ZC3H4: variants seen among roughly 807,000 people sequenced by gnomAD.
ZC3H4 encodes zinc finger CCCH domain-containing protein 4.
Under a neutral mutation model 108.3 loss-of-function variants are expected in ZC3H4, and 13 were observed. The observed-to-expected ratio is 0.12, with a 90% CI of 0.08 to 0.19. The LOEUF (loss-of-function observed/expected upper bound fraction) is 0.19, where lower values mean the gene tolerates loss of function less well. Among genes scored for constraint, ZC3H4 ranks in the 10% least tolerant of loss-of-function variants. The probability of loss-of-function intolerance (pLI) is 1.00; values close to 1 mark genes in which losing one functional copy is unlikely to be tolerated. For synonymous variants in ZC3H4, 917 were observed against 749.6 expected (o/e 1.22, Z -3.65); for missense variants, 1,734 against 1,838.8 (o/e 0.94, Z 1.04).
intron 2 of ZC3H4, among the ~76,000 whole-genome samples, chr19:47,104,443 C>T (rs2057943379): frequency 6.6e-6 from 1 of 152,172 alleles, no homozygotes; most frequent in Non-Finnish European, 1.5e-5. Flanking sequence ...TTTCCAAGGG[C>T]CCAGCACAGG....
At chr19:47,098,326 C>A (rs932927122) in intron 2 of ZC3H4, among the ~76,000 whole-genome samples, 1 of 152,000 alleles carries the variant, frequency 6.6e-6, no homozygotes, top group African/African-American at 2.4e-5. Flanking sequence ...CTTGTCTCTA[C>A]CAGTAATACA....
At chr19:47,074,756 G>A (rs180977274) in intron 11 of ZC3H4, among the ~76,000 whole-genome samples, 9 of 152,334 alleles carry the variant, frequency 5.9e-5, no homozygotes, top group Non-Finnish European at 8.8e-5. Context: ...AAGTCTCCTC[G>A]CAGACAGCAT....
chr19:47,078,852 C>G (rs1171377120), intron 11 of ZC3H4, among the ~76,000 whole-genome samples: 1 of 151,922 alleles, frequency 6.6e-6, no homozygotes, highest in Admixed American at 6.6e-5. Flanking sequence ...GAGTGAAACT[C>G]CGTCTCAAAA....
intron 2 of ZC3H4, among the ~76,000 whole-genome samples, chr19:47,103,782 A>AC: frequency 6.6e-6 from 1 of 150,398 alleles, no homozygotes. Context: ...AAAAAAAAAA[A>AC]ACTACAAAAA....
rs2057221806 is a variant in ZC3H4, at chr19:47,067,075, T to C, written c.3193A>G (p.Ser1065Gly). 4 of 1,609,222 alleles carry C rather than the reference T, an allele frequency of 2.5e-6. No individual in the cohort carries two copies. The East Asian group carries it at 6.7e-5, about 27-fold the overall frequency. The change falls in exon 15 of 15, where the codon AGC becomes GGC. Residue 1065 changes from serine (S) to glycine (G), a missense_variant. By Grantham distance (56) the Ser-to-Gly change is moderately conservative (BLOSUM62 0). Around this residue, in one of 9 missense-constraint regions of ZC3H4, gnomAD observed 518 missense variants for 499.6 expected, o/e 1.04. Coordinates refer to ENST00000253048, the MANE Select transcript of ZC3H4 (RefSeq NM_015168.2). The surrounding 1 kb of genome is among the most constrained non-coding windows in gnomAD (Gnocchi z 6.4). Reference protein sequence around the residue: ...ATGSSAAPGSSDKPSDPRVRK... With the variant: ...ATGSSAAPGSGDKPSDPRVRK... ...ACCCGGGGGTCACTGGGTTTGTCGC[T>C]GGAACCGGGGGCGGCCGAGGAGCCG...
In ZC3H4 at chr19:47,066,794, G is replaced by GC. The variant is rs775275512; in HGVS notation, c.3473dup (p.Lys1159GlnfsTer8). ...TGTCAGCAGCCGGCTCTGTGGCTTT[G>GC]CCCCCCGCGTTGGGAGTCCTCGGGT... On this transcript the variant is annotated frameshift_variant, in exon 15 of 15. Transcript: ENST00000253048. LOFTEE classifies it high-confidence loss of function. 2.5e-6 allele frequency: 4 copies of GC among 1,600,616 alleles called. No homozygotes were observed.
chr19:47,097,327 A>G (rs2057838706), intron 2 of ZC3H4, among the ~76,000 whole-genome samples: 1 of 152,210 alleles, frequency 6.6e-6, no homozygotes, highest in Non-Finnish European at 1.5e-5. Context: ...GTTGTTGTTA[A>G]ACTGCTGACG....
At chr19:47,094,717 G>A (rs575739910) in intron 2 of ZC3H4, 109 bp from the exon 3 acceptor site, 139 of 1,100,458 alleles carry the variant, frequency 1.3e-4, no homozygotes, top group Admixed American at 4.1e-4. Flanking sequence ...TGCTGTGAGC[G>A]AAGTGAGACC....
At chr19:47,099,250 G>C (rs1223099594) in intron 2 of ZC3H4, among the ~76,000 whole-genome samples, 1 of 151,896 alleles carries the variant, frequency 6.6e-6, no homozygotes, top group South Asian at 2.1e-4. Context: ...ACCTGAGGTC[G>C]GGAGTTCAAG....
chr19:47,091,130 G>A (rs192960062), intron 4 of ZC3H4, among the ~76,000 whole-genome samples: 4 of 152,208 alleles, frequency 2.6e-5, no homozygotes, highest in South Asian at 2.1e-4. Flanking sequence ...CAAAATAGCC[G>A]AGTGTGGGGC....
At chr19:47,070,587 C>G (rs943560035) in intron 13 of ZC3H4, among the ~76,000 whole-genome samples, 3 of 152,114 alleles carry the variant, frequency 2.0e-5, no homozygotes, top group African/African-American at 7.2e-5. Flanking sequence ...GCTGAGAACC[C>G]CAGCACCTAC....
At chr19:47,112,105 G>A in intron 2 of ZC3H4, 1 of 1,050,270 alleles carries the variant, frequency 9.5e-7, no homozygotes. Flanking sequence ...CCCTCCCCAG[G>A]ACAGGCGGAC....
chr19:47,093,021 C>T (rs1471904024), intron 4 of ZC3H4, among the ~76,000 whole-genome samples: 1 of 151,706 alleles, frequency 6.6e-6, no homozygotes, highest in African/African-American at 2.4e-5. Flanking sequence ...TGGAGACCAT[C>T]CTGGCTAAGA....
Position 47,086,367 on chromosome 19 carries a change from G to C in ZC3H4, c.870+17C>G. The C allele has an allele frequency of 6.2e-7, 1 of 1,612,934 alleles. No homozygotes were observed. Among genetic ancestry groups the C allele is most frequent in the Non-Finnish European group, 8.5e-7 (1 of 1,179,704 alleles). On this transcript the variant is annotated intron_variant, in intron 6 of 14. Coordinates refer to ENST00000253048, the MANE Select transcript of ZC3H4 (RefSeq NM_015168.2). ...CCAGCCTCACCCCGACGTCCCCAGGGCCAGAGGAAACCTTACGTCCATCTC... is the reference window on the plus strand; with the variant it reads ...CCAGCCTCACCCCGACGTCCCCAGGCCCAGAGGAAACCTTACGTCCATCTC...
At chr19:47,092,538 C>T (rs934668969) in intron 4 of ZC3H4, among the ~76,000 whole-genome samples, 2 of 152,138 alleles carry the variant, frequency 1.3e-5, no homozygotes, top group Admixed American at 6.5e-5. Context: ...CTCAACCAGC[C>T]GGGCACGGTG....
rs2057791907 is a variant in ZC3H4 at position 47,094,610 on chromosome 19, TACAA to T, written c.162-6_162-3del. 2 of 1,613,956 alleles carry T rather than the reference TACAA, an allele frequency of 1.2e-6. No homozygotes were observed. The highest frequency in any genetic ancestry group is 2.2e-5 in the East Asian group (1 of 44,868). ...CCTTCTTCCAACTCTCCATCTTCCC[TACAA>T]ACAAACCCCAATCCCACCATGAACA... is the stretch of plus-strand genomic sequence containing the variant. On this transcript the variant is annotated splice_region_variant and splice_polypyrimidine_tract_variant and intron_variant, in intron 2 of 14. Coordinates refer to ENST00000253048, the MANE Select transcript of ZC3H4 (RefSeq NM_015168.2).
chr19:47,073,475 G>A (rs1445294768), intron 11 of ZC3H4, among the ~76,000 whole-genome samples: 8 of 152,088 alleles, frequency 5.3e-5, no homozygotes, highest in African/African-American at 1.9e-4. Flanking sequence ...AGGAGGCTGA[G>A]GCAGAAGAAT....
chr19:47,071,303 C>A (rs2057321506), intron 13 of ZC3H4, among the ~76,000 whole-genome samples: 1 of 152,162 alleles, frequency 6.6e-6, no homozygotes, highest in Non-Finnish European at 1.5e-5. Context: ...TCATCTAAAC[C>A]CCTCTGCTCA....
chr19:47,072,902 G>C lies in ZC3H4; in HGVS notation c.1441-189C>G, dbSNP rs749365144. Reference sequence around the variant, plus strand: ...GCCACCTCTCTGCTCCACTCTCGGGGACCAGCTGGTAGAGGGGGGGCCATT... The same window carrying C: ...GCCACCTCTCTGCTCCACTCTCGGGCACCAGCTGGTAGAGGGGGGGCCATT... On this transcript the variant is annotated intron_variant, in intron 11 of 14. Transcript: ENST00000253048. The surrounding 1 kb of genome is among the most constrained non-coding windows in gnomAD (Gnocchi z 5.6). 2.4e-4 allele frequency among the ~76,000 whole-genome samples: 36 copies of C among 152,134 alleles called. No homozygotes were observed. The highest frequency in any genetic ancestry group is 3.7e-4 in the Non-Finnish European group (25 of 68,022).
Sources: allele counts gnomAD v4.1 joint callset (sites outside exome capture counted in the v4.1 genomes callset), GRCh38; gene constraint gnomAD v4.1.1; regional missense constraint gnomAD v4.1.1; non-coding constraint Gnocchi (gnomAD v3.1); transcripts MANE v1.5; gene names NCBI Gene and HGNC (gene_info 2026-07-23, HGNC 2026-07-21).